Variants in HUNK observed in about 807,000 individuals in gnomAD.
HUNK encodes the protein hormonally up-regulated neu tumor-associated kinase.
A neutral mutation model predicts 61.0 loss-of-function variants in HUNK; 21 were observed. The ratio of observed to expected loss-of-function variants is 0.34; its 90% CI spans 0.24 to 0.50. The LOEUF is 0.50. HUNK is among the 20% of genes least tolerant of loss of function. HUNK has a pLI of 0.98. For synonymous variants in HUNK, 371 were observed against 386.1 expected, an observed-to-expected ratio of 0.96 and a Z score of 0.46; for missense variants, 772 against 945.7, an observed-to-expected ratio of 0.82 and a Z score of 2.41.
chr21:31,919,124 TGAGGGGCTGGACTGAGCGGTATGAGGAG>T (rs2052605830), intron 1 of HUNK, among the ~76,000 whole-genome samples: 1 of 74,118 alleles, frequency 1.3e-5, no homozygotes, highest in Non-Finnish European at 2.6e-5. Flanking sequence ...GGTATGAGGA[TGAGGGGCTGGACTGAGCGGTATGAGGAG>T]GAGGGGCTGG....
chr21:31,936,893 T>TC (rs2052736283), intron 2 of HUNK, among the ~76,000 whole-genome samples: 1 of 152,204 alleles, frequency 6.6e-6, no homozygotes, highest in African/African-American at 2.4e-5. Flanking sequence ...AGGATGTTTT[T>TC]CCCCACAGTA....
intron 1 of HUNK, among the ~76,000 whole-genome samples, chr21:31,892,563 C>G (rs1198337130): frequency 1.9e-5 from 2 of 105,312 alleles, no homozygotes; most frequent in Admixed American, 1.2e-4. Context: ...GAGCCAGACT[C>G]TCTCTGAAAA....
intron 5 of HUNK, among the ~76,000 whole-genome samples, chr21:31,961,982 C>T (rs1464676011): frequency 2.0e-5 from 3 of 152,236 alleles, no homozygotes; most frequent in Non-Finnish European, 4.4e-5. Context: ...TGCTACATCT[C>T]AGTTGAGAGC....
At chr21:31,985,795 G>C (rs191733636) in intron 8 of HUNK, among the ~76,000 whole-genome samples, 75 of 150,324 alleles carry the variant, frequency 5.0e-4, no homozygotes, top group Non-Finnish European at 6.3e-4. Context: ...GCATGGATTT[G>C]GGGGGTGGGA....
At chr21:31,917,820 G>A (rs1315217138) in intron 1 of HUNK, among the ~76,000 whole-genome samples, 1 of 151,416 alleles carries the variant, frequency 6.6e-6, no homozygotes, top group Non-Finnish European at 1.5e-5. Flanking sequence ...TAAGTGAATC[G>A]GGGAACCTGC....
intron 9 of HUNK, among the ~76,000 whole-genome samples, chr21:31,995,253 G>A (rs1310081096): frequency 6.6e-6 from 1 of 152,102 alleles, no homozygotes; most frequent in Non-Finnish European, 1.5e-5. Context: ...GGGTAGAAAG[G>A]GCTGGAAGCC....
intron 8 of HUNK, among the ~76,000 whole-genome samples, chr21:31,988,077 T>C (rs970785540): frequency 1.3e-5 from 2 of 152,252 alleles, no homozygotes; most frequent in African/African-American, 4.8e-5. Flanking sequence ...AACTTCCCTC[T>C]TGGGGTAACC....
chr21:31,924,657 A>G lies in HUNK; in HGVS notation c.451A>G (p.Lys151Glu). ...ELCPGGNLMH[K>E]IYEKKRLEES... is the part of the protein sequence containing the mutation. ...GTGCCCTGGGGGCAACCTGATGCAC[A>G]AGATCTATGAGAAGAAGCGGCTGGA... Residue 151 changes from lysine (K) to glutamate (E), a missense_variant, in exon 2 of 11, where the codon AAG becomes GAG. By Grantham distance (56) the Lys-to-Glu change is moderately conservative. This residue lies in a region of HUNK where 359 missense variants were observed against 501.3 expected (regional missense o/e 0.72). Transcript: ENST00000270112. The surrounding 1 kb of genome is among the most constrained non-coding windows in gnomAD (Gnocchi z 5.1). 3.7e-6 allele frequency: 6 copies of G among 1,614,164 alleles called. No homozygotes were observed. The highest frequency in any genetic ancestry group is 5.1e-6 in the Non-Finnish European group (6 of 1,180,034).
At chr21:31,984,603 A>G (rs1601410409) in intron 8 of HUNK, among the ~76,000 whole-genome samples, 1 of 152,332 alleles carries the variant, frequency 6.6e-6, no homozygotes, top group Non-Finnish European at 1.5e-5. Flanking sequence ...AGGCTCCTGT[A>G]GCAAACATCC....
chr21:31,971,645 G>T (rs922697557), intron 6 of HUNK, among the ~76,000 whole-genome samples: 2 of 152,022 alleles, frequency 1.3e-5, no homozygotes, highest in Admixed American at 6.6e-5. Flanking sequence ...GAAAATAAAG[G>T]TCTCGTATTT....
At chr21:31,900,679 C>T (rs2052460238) in intron 1 of HUNK, among the ~76,000 whole-genome samples, 1 of 152,192 alleles carries the variant, frequency 6.6e-6, no homozygotes, top group African/African-American at 2.4e-5. Flanking sequence ...CTGAGTTAAT[C>T]AGTACTCTGG....
At chr21:31,893,705 T>C (rs1365721475) in intron 1 of HUNK, among the ~76,000 whole-genome samples, 1 of 152,234 alleles carries the variant, frequency 6.6e-6, no homozygotes. Flanking sequence ...TAGATGATTC[T>C]ACACGAGTTA....
At position 31,999,508 on chromosome 21, in the gene HUNK, C is replaced by G. The variant is rs1010137118; in HGVS notation, c.*324C>G. On this transcript the variant is annotated 3_prime_UTR_variant, in exon 11 of 11. Coordinates refer to ENST00000270112, the MANE Select transcript of HUNK (RefSeq NM_014586.2). ...CAGGGCATGAGCCTTCTGGGGCACTCAGATTATGGACTGTTACCAGATCTT... is the reference window on the plus strand; with the variant it reads ...CAGGGCATGAGCCTTCTGGGGCACTGAGATTATGGACTGTTACCAGATCTT... The G allele has an allele frequency of 8.0e-5, 26 of 324,334 alleles. No homozygotes were observed. The Middle Eastern group carries it at 2.7e-3, about 33-fold the overall frequency. The allele number at this position is 324,334 out of a possible 1,614,324, so 20.1% of individuals were successfully genotyped here.
At position 32,000,146 on chromosome 21, in the gene HUNK, G is replaced by T; in HGVS notation, c.*962G>T. ...TTACAGCTGGTTCTGTAGAAAGAGG[G>T]AAAAGATGATTGTGACAATTCAGAG... On this transcript the variant is annotated 3_prime_UTR_variant, in exon 11 of 11. Transcript: ENST00000270112. The T allele has an allele frequency of 2.5e-6, 1 of 398,896 alleles. No homozygotes were observed. The highest frequency in any genetic ancestry group is 1.3e-4 in the South Asian group (1 of 7,840). The allele number at this position is 398,896 out of a possible 1,614,324, so 24.7% of individuals were successfully genotyped here. A position where few individuals can be genotyped will look rare whatever the true frequency, so the allele number is the denominator to read the frequency against.
intron 5 of HUNK, among the ~76,000 whole-genome samples, chr21:31,965,594 C>CTTTTTTTTTTTTTTT (rs71193162): frequency 3.9e-5 from 5 of 127,476 alleles, no homozygotes; most frequent in Non-Finnish European, 6.5e-5. Flanking sequence ...CTTTGTTTTT[C>CTTTTTTTTTTTTTTT]TTTTTTTTTT....
intron 7 of HUNK, among the ~76,000 whole-genome samples, chr21:31,977,028 C>T (rs1354935770): frequency 6.6e-6 from 1 of 152,124 alleles, no homozygotes; most frequent in Non-Finnish European, 1.5e-5. Context: ...ACCTTGGCCT[C>T]CCAAAGTGCT....
intron 7 of HUNK, among the ~76,000 whole-genome samples, chr21:31,979,113 T>TG (rs2053072651): frequency 6.6e-6 from 1 of 151,300 alleles, no homozygotes; most frequent in African/African-American, 2.4e-5. Flanking sequence ...CATTTCTTTT[T>TG]TTTTTTTTGA....
intron 1 of HUNK, among the ~76,000 whole-genome samples, chr21:31,921,178 AAAAAG>A (rs2052620141): frequency 6.6e-6 from 1 of 151,024 alleles, no homozygotes; most frequent in Non-Finnish European, 1.5e-5. Flanking sequence ...AAAAAAAAAA[AAAAAG>A]AAGGAGACAC....
intron 1 of HUNK, among the ~76,000 whole-genome samples, chr21:31,903,994 T>TTAC (rs2052487910): frequency 1.3e-5 from 2 of 152,164 alleles, no homozygotes; most frequent in Admixed American, 1.3e-4. Context: ...ACTAAAGAAA[T>TTAC]AGCCCACTTG....
Sources: gnomAD v4.1 joint callset for allele counts (sites outside exome capture counted in the v4.1 genomes callset) on GRCh38, gnomAD v4.1.1 for gene constraint, gnomAD v4.1.1 regional missense constraint, Gnocchi (gnomAD v3.1) non-coding constraint, MANE v1.5 for transcripts, NCBI Gene and HGNC (gene_info 2026-07-23, HGNC 2026-07-21) for gene names.